The following COL23A1 variants were observed in gnomAD, a reference collection of about 807,000 sequenced individuals.
The protein encoded by COL23A1 is collagen type XXIII alpha 1 chain.
In COL23A1, 97 loss-of-function variants were observed where a neutral mutation model predicts 99.3. The ratio of observed to expected loss-of-function variants is 0.98; its 90% CI spans 0.83 to 1.16. The LOEUF is 1.16. Among genes scored for constraint, COL23A1 ranks in the 50% most tolerant of loss-of-function variants. The pLI is 0.00. For synonymous variants in COL23A1, 320 were observed against 308.2 expected, an observed-to-expected ratio of 1.04 and a Z score of -0.40; for missense variants, 762 against 757.4, an observed-to-expected ratio of 1.01 and a Z score of -0.07.
intron 2 of COL23A1, among the ~76,000 whole-genome samples, chr5:178,409,498 G>A (rs927891274): frequency 2.6e-5 from 4 of 152,078 alleles, no homozygotes; most frequent in African/African-American, 9.7e-5. Context: ...TAGTGTGTGT[G>A]TGTGTGATAA....
chr5:178,447,324 C>T (rs905211408), intron 2 of COL23A1, among the ~76,000 whole-genome samples: 74 of 152,128 alleles, frequency 4.9e-4, no homozygotes, highest in African/African-American at 1.6e-3. Flanking sequence ...GAACTCCTGA[C>T]CTCAAGTGAT....
intron 1 of COL23A1, chr5:178,562,238 T>G: frequency 4.9e-6 from 1 of 203,940 alleles, no homozygotes; most frequent in Non-Finnish European, 9.7e-6. Context: ...CGAGACTCCA[T>G]CTCAAAAAAA....
At chr5:178,463,756 C>T (rs1388113693) in intron 2 of COL23A1, among the ~76,000 whole-genome samples, 7 of 152,302 alleles carry the variant, frequency 4.6e-5, no homozygotes, top group East Asian at 3.9e-4. Flanking sequence ...TGGATGGGAA[C>T]GGACGTTTTG....
At chr5:178,482,800 G>A (rs1406427659) in intron 2 of COL23A1, among the ~76,000 whole-genome samples, 2 of 152,238 alleles carry the variant, frequency 1.3e-5, no homozygotes, top group East Asian at 3.8e-4. Flanking sequence ...TATTCAGGAG[G>A]CTGAGGCAGG....
At chr5:178,431,675 A>G (rs903267745) in intron 2 of COL23A1, among the ~76,000 whole-genome samples, 6 of 152,212 alleles carry the variant, frequency 3.9e-5, no homozygotes, top group African/African-American at 1.4e-4. Context: ...TCTCCCCTGG[A>G]GCCTCCAGAA....
At chr5:178,417,758 A>C (rs1167060137) in intron 2 of COL23A1, among the ~76,000 whole-genome samples, 1 of 152,224 alleles carries the variant, frequency 6.6e-6, no homozygotes, top group African/African-American at 2.4e-5. Context: ...GTTCATTAGC[A>C]GAACACATGT....
chr5:178,433,069 C>T (rs1581382159), intron 2 of COL23A1, among the ~76,000 whole-genome samples: 2 of 152,150 alleles, frequency 1.3e-5, no homozygotes, highest in South Asian at 4.2e-4. Context: ...TCTTTTCCAT[C>T]CTCCTTCCTC....
intron 2 of COL23A1, among the ~76,000 whole-genome samples, chr5:178,483,797 C>CCT (rs1757463853): frequency 5.9e-5 from 9 of 152,360 alleles, no homozygotes; most frequent in Admixed American, 3.9e-4. Context: ...GCCCGTGCAG[C>CCT]GGGGTTCCTC....
intron 2 of COL23A1, among the ~76,000 whole-genome samples, chr5:178,518,026 A>T (rs1396457062): frequency 8.5e-5 from 11 of 129,672 alleles, no homozygotes; most frequent in Non-Finnish European, 1.7e-4. Context: ...TGGTTTTCCT[A>T]GGCAGAGGAC....
chr5:178,502,340 C>T (rs761385592), intron 2 of COL23A1, among the ~76,000 whole-genome samples: 9 of 152,200 alleles, frequency 5.9e-5, no homozygotes, highest in Non-Finnish European at 1.3e-4. Context: ...ACCATGTTAG[C>T]CAGGATGGTC....
intron 2 of COL23A1, among the ~76,000 whole-genome samples, chr5:178,553,592 A>C (rs1762119379): frequency 6.6e-6 from 1 of 152,236 alleles, no homozygotes; most frequent in African/African-American, 2.4e-5. Context: ...CCATTCTGGA[A>C]TGTTCCTGAC....
At chr5:178,462,276 CT>C (rs1484790580) in intron 2 of COL23A1, among the ~76,000 whole-genome samples, 2 of 152,178 alleles carry the variant, frequency 1.3e-5, no homozygotes, top group African/African-American at 4.8e-5. Context: ...CCCAACACAG[CT>C]TTTAAACAAA....
chr5:178,401,216 G>A (rs188684480), intron 2 of COL23A1, among the ~76,000 whole-genome samples: 205 of 152,272 alleles, frequency 1.3e-3, no homozygotes, highest in African/African-American at 4.6e-3. Context: ...ATACTCCATC[G>A]TATGGATGGA....
At chr5:178,561,310 C>G (rs184222249) in intron 1 of COL23A1, among the ~76,000 whole-genome samples, 2 of 152,200 alleles carry the variant, frequency 1.3e-5, no homozygotes, top group Admixed American at 6.5e-5. Context: ...TTCCTCTTAC[C>G]AGTGGGGATC....
At chr5:178,414,039 C>T (rs186867414) in intron 2 of COL23A1, among the ~76,000 whole-genome samples, 4 of 152,314 alleles carry the variant, frequency 2.6e-5, no homozygotes, top group Admixed American at 2.6e-4. Context: ...GCTAGGACAG[C>T]AAGAGGGCAC....
At chr5:178,549,336 A>C (rs942656747) in intron 2 of COL23A1, among the ~76,000 whole-genome samples, 2 of 152,210 alleles carry the variant, frequency 1.3e-5, no homozygotes, top group African/African-American at 4.8e-5. Context: ...GGGATAAAAC[A>C]GATGAAAAGA....
chr5:178,249,007 G>A lies in COL23A1; in HGVS notation c.1149+110C>T, dbSNP rs577290710. On this transcript the variant is annotated intron_variant, in intron 19 of 28. Transcript: ENST00000390654. ...CCCCGGCCGGCTGGGCACTGAGACCGCAGGGGCTGTCAGGGTCACGCCCTG... is the reference window on the plus strand; with the variant it reads ...CCCCGGCCGGCTGGGCACTGAGACCACAGGGGCTGTCAGGGTCACGCCCTG... 15 of 1,080,844 alleles carry A rather than the reference G, an allele frequency of 1.4e-5. No homozygotes were observed. The East Asian group carries it at 2.8e-4, about 20-fold the overall frequency. The allele number at this position is 1,080,844 out of a possible 1,614,324, so 67.0% of individuals were successfully genotyped here.
chr5:178,285,404 C>A (rs1164919759), intron 5 of COL23A1, among the ~76,000 whole-genome samples: 2 of 152,154 alleles, frequency 1.3e-5, no homozygotes, highest in African/African-American at 4.8e-5. Context: ...AAAAAACAAA[C>A]AAACAAAACA....
chr5:178,562,059 CG>C, intron 1 of COL23A1: 1 of 531,564 alleles, frequency 1.9e-6, no homozygotes, highest in Non-Finnish European at 3.6e-6. Flanking sequence ...TGGTTCCTGC[CG>C]GTGGGTTCGT....
Sources: gnomAD v4.1 joint callset for allele counts (sites outside exome capture counted in the v4.1 genomes callset) on GRCh38, gnomAD v4.1.1 for gene constraint, MANE v1.5 for transcripts, NCBI Gene and HGNC (gene_info 2026-07-23, HGNC 2026-07-21) for gene names.